Variants in LRRC57 observed in about 807,000 individuals in gnomAD.
LRRC57 encodes leucine-rich repeat-containing protein 57.
A neutral mutation model predicts 23.1 loss-of-function variants in LRRC57; 14 were observed. That is an observed-to-expected ratio of 0.61 (90% CI 0.40 to 0.95). The LOEUF is 0.95. Among genes scored for constraint, LRRC57 ranks in the 40% least tolerant of loss-of-function variants. The pLI, the probability that LRRC57 is intolerant of heterozygous loss-of-function variation, is 0.00. For missense variants in LRRC57, 236 were observed against 284.4 expected (o/e 0.83, Z 1.22); for synonymous variants, 106 against 115.2 (o/e 0.92, Z 0.51).
Position 42,547,480 on chromosome 15 carries a change from G to A in LRRC57, c.273C>T (p.Ser91=). The A allele has an allele frequency of 6.2e-7, 1 of 1,613,906 alleles. No individual in the cohort carries two copies. The highest frequency in any genetic ancestry group is 1.6e-4 in the Middle Eastern group (1 of 6,062). ...ICNLKKLETL[S]LNNNHLRELP... ...GCTCTCTAAGGTGATTGTTGTTTAG[G>A]CTTAGCGTCTCTAGTTTTTTCAGAT... The change falls in exon 4 of 6, where the codon AGC becomes AGT. Residue 91 remains serine (S), a synonymous_variant. Coordinates refer to ENST00000397130, the MANE Select transcript of LRRC57 (RefSeq NM_153260.3).
the LRRC57 span, chr15:42,528,379 G>A: frequency 3.1e-6 from 5 of 1,614,022 alleles, no homozygotes; most frequent in African/African-American, 5.3e-5. Context: ...GTCAGCTTCA[G>A]CAACCAACAA....
the LRRC57 span, among the ~76,000 whole-genome samples, chr15:42,529,374 A>G: frequency 0.047 from 7,223 of 152,172 alleles, 576 homozygotes; most frequent in African/African-American, 0.16. Context: ...TAGGTCTGGA[A>G]TGGAGTGTGA....
downstream of LRRC57, among the ~76,000 whole-genome samples, chr15:42,537,220 C>G (rs2057604491): frequency 7.7e-6 from 1 of 129,092 alleles, no homozygotes; most frequent in South Asian, 2.2e-4. Flanking sequence ...CTCTCTGTCT[C>G]TCTCTCTCTC....
chr15:42,536,693 T>C (rs750822298), downstream of LRRC57, among the ~76,000 whole-genome samples: 6 of 152,224 alleles, frequency 3.9e-5, no homozygotes, highest in Non-Finnish European at 7.4e-5. Flanking sequence ...CTTAAAGCCC[T>C]TTCTGATTTT....
chr15:42,545,016 T>TACTTC (rs2057651907), intron 5 of LRRC57, 61 bp downstream of exon 5: 5 of 1,242,296 alleles, frequency 4.0e-6, no homozygotes, highest in African/African-American at 1.5e-5. Context: ...TTCTGTGGAT[T>TACTTC]ACTTCACCAT....
rs2057662258 is a variant in LRRC57, at chr15:42,547,176, G to A, written c.492+85C>T. ...TCTGATACTTAGCTCTATGATGGCA[G>A]TTTAGGAAACAAGAGGTTAACAGGT... On this transcript the variant is annotated intron_variant, in intron 4 of 5. Coordinates refer to ENST00000397130, the MANE Select transcript of LRRC57 (RefSeq NM_153260.3). 9 of 1,438,124 alleles carry A rather than the reference G, an allele frequency of 6.3e-6. No homozygotes were observed. In the South Asian group the frequency reaches 1.1e-4, roughly 17 times the overall value. 89.1% of individuals were successfully genotyped at this position (1,438,124 alleles called of 1,614,324 possible).
In LRRC57 at chr15:42,547,364, A is replaced by G. The variant is rs1342811472; in HGVS notation, c.389T>C (p.Leu130Pro). 2 of 1,614,106 alleles carry G rather than the reference A, an allele frequency of 1.2e-6. No homozygotes were observed. The highest frequency in any genetic ancestry group is 1.7e-5 in the Admixed American group (1 of 60,000). Residue 130 changes from leucine (L) to proline (P), a missense_variant, in exon 4 of 6, where the codon CTA (leucine) becomes CCA (proline). By Grantham distance (98) the Leu-to-Pro change is moderately conservative. Transcript: ENST00000397130. ...LGALPPQLCS[L>P]RHLDVMDLSK... Reference sequence around the variant, plus strand: ...GAGATCCATCACATCCAGGTGCCGTAGGCTACAAAGTTGGGGAGGTAATGC... The same window carrying G: ...GAGATCCATCACATCCAGGTGCCGTGGGCTACAAAGTTGGGGAGGTAATGC...
chr15:42,529,751 G>T, the LRRC57 span: 2 of 1,613,988 alleles, frequency 1.2e-6, no homozygotes, highest in Admixed American at 1.7e-5. Context: ...AAATCTAAAA[G>T]ACATGGCCCT....
chr15:42,528,798 C>T, the LRRC57 span, among the ~76,000 whole-genome samples: 2 of 152,118 alleles, frequency 1.3e-5, no homozygotes, highest in Non-Finnish European at 2.9e-5. Context: ...GTTGACCAGG[C>T]TGGTCTTGGA....
chr15:42,531,507 T>C, the LRRC57 span: 1 of 1,542,494 alleles, frequency 6.5e-7, no homozygotes, highest in East Asian at 2.3e-5. Flanking sequence ...TTATCATTTA[T>C]TCACTTCCGT....
At chr15:42,534,195 A>T (rs2057588147), downstream of LRRC57, among the ~76,000 whole-genome samples, 1 of 152,062 alleles carries the variant, frequency 6.6e-6, no homozygotes, top group African/African-American at 2.4e-5. Context: ...CAGTGGCGTG[A>T]TCTGGGCTCA....
At chr15:42,544,842 C>CACACACTATATATATATATATATA in intron 5 of LRRC57, among the ~76,000 whole-genome samples, 2 of 98,048 alleles carry the variant, frequency 2.0e-5, no homozygotes, top group African/African-American at 1.3e-4. Flanking sequence ...CACACACACA[C>CACACACTATATATATATATATATA]TATATATATA....
the LRRC57 span, among the ~76,000 whole-genome samples, chr15:42,529,383 G>A: frequency 6.6e-6 from 1 of 152,160 alleles, no homozygotes; most frequent in East Asian, 1.9e-4. Flanking sequence ...AATGGAGTGT[G>A]AGAATTAGCA....
At chr15:42,537,111 G>T (rs766815258), downstream of LRRC57, among the ~76,000 whole-genome samples, 2 of 151,980 alleles carry the variant, frequency 1.3e-5, no homozygotes, top group African/African-American at 4.8e-5. Flanking sequence ...GCTTTTTAAA[G>T]ACATACACTG....
In LRRC57 at chr15:42,545,237, G is replaced by A; in HGVS notation, c.518C>T (p.Ser173Phe). ...AAGAATTTTAAGGCGTGGACAGCAA[G>A]ATATCTTCACTGAGATCTGAGATAT... ...NQISQISVKISCCPRLKILRL... is the reference protein window; with the variant it reads ...NQISQISVKIFCCPRLKILRL... Residue 173 changes from serine (S) to phenylalanine (F), a missense_variant, in exon 5 of 6, where the codon TCT (serine) becomes TTT (phenylalanine). Transcript: ENST00000397130. 6.3e-7 allele frequency: 1 copy of A among 1,585,834 alleles called. No individual in the cohort carries two copies. Among genetic ancestry groups the A allele is most frequent in the South Asian group, 1.2e-5 (1 of 86,454 alleles).
chr15:42,528,954 C>G, the LRRC57 span, among the ~76,000 whole-genome samples: 2 of 152,132 alleles, frequency 1.3e-5, no homozygotes, highest in African/African-American at 2.4e-5. Context: ...CTTTTCAGTA[C>G]TTTCCAAATT....
intron 5 of LRRC57, among the ~76,000 whole-genome samples, chr15:42,544,815 T>TCACACACA (rs202009649): frequency 9.9e-5 from 13 of 131,846 alleles, no homozygotes; most frequent in African/African-American, 4.1e-4. Flanking sequence ...AGACCCTGTC[T>TCACACACA]CACACACACA....
the LRRC57 span, among the ~76,000 whole-genome samples, chr15:42,531,208 A>G: frequency 6.6e-6 from 1 of 152,226 alleles, no homozygotes; most frequent in African/African-American, 2.4e-5. Flanking sequence ...AAGGTCTTAT[A>G]TGTTACACCT....
At position 42,544,015 on chromosome 15, in the gene LRRC57, G is replaced by A; in HGVS notation, c.*68C>T. The A allele has an allele frequency of 7.4e-7, 1 of 1,351,566 alleles. No individual in the cohort carries two copies. Among genetic ancestry groups the A allele is most frequent in the Non-Finnish European group, 1.0e-6 (1 of 953,264 alleles). 83.7% of individuals were successfully genotyped at this position (1,351,566 alleles called of 1,614,324 possible). A position where few individuals can be genotyped will look rare whatever the true frequency, so the allele number is the denominator to read the frequency against. On this transcript the variant is annotated 3_prime_UTR_variant, in exon 6 of 6. Coordinates refer to ENST00000397130, the MANE Select transcript of LRRC57 (RefSeq NM_153260.3). ...ACCCCTAACAACAACAGGAGGCTTT[G>A]ACTCAGCCACATTCCAACAGAGGTT...
Sources: gnomAD v4.1 joint callset for allele counts (sites outside exome capture counted in the v4.1 genomes callset) on GRCh38, gnomAD v4.1.1 for gene constraint, MANE v1.5 for transcripts, NCBI Gene and HGNC (gene_info 2026-07-23, HGNC 2026-07-21) for gene names.